Variants in STPG2 observed in about 807,000 individuals in gnomAD.
STPG2 encodes the protein sperm-tail PG-rich repeat-containing protein 2.
In STPG2, 56 loss-of-function variants were observed where a neutral mutation model predicts 54.2. The observed-to-expected ratio is 1.03, with a 90% CI of 0.83 to 1.29. The LOEUF (loss-of-function observed/expected upper bound fraction) is 1.29. Among genes scored for constraint, STPG2 ranks in the 50% most tolerant of loss-of-function variants. STPG2 has a pLI of 0.00. For missense variants in STPG2, 596 were observed against 544.9 expected (o/e 1.09, Z -0.93); for synonymous variants, 200 against 181.8 (o/e 1.10, Z -0.81).
chr4:97,617,589 A>T (rs1733908025), intron 10 of STPG2, among the ~76,000 whole-genome samples: 1 of 152,164 alleles, frequency 6.6e-6, no homozygotes, highest in African/African-American at 2.4e-5. Flanking sequence ...AACTCCCAGA[A>T]CCAAAATATT....
At chr4:97,682,858 T>C (rs1042697279) in intron 10 of STPG2, among the ~76,000 whole-genome samples, 3 of 151,728 alleles carry the variant, frequency 2.0e-5, no homozygotes, top group African/African-American at 7.2e-5. Context: ...AATTTTACAA[T>C]AAGAAAATAA....
chr4:98,129,143 C>A (rs1739914032), intron 2 of STPG2, among the ~76,000 whole-genome samples: 2 of 152,266 alleles, frequency 1.3e-5, no homozygotes, highest in South Asian at 4.1e-4. Context: ...GAATAGATAA[C>A]TATTAAAGTC....
At chr4:97,765,691 C>T (rs909646736) in intron 9 of STPG2, among the ~76,000 whole-genome samples, 2 of 152,080 alleles carry the variant, frequency 1.3e-5, no homozygotes, top group Admixed American at 1.3e-4. Flanking sequence ...GTTTTTACTA[C>T]TACAGCAATG....
At position 97,566,644 on chromosome 4, in the gene STPG2, A is replaced by G. The variant is rs868810971; in HGVS notation, c.1321-7527T>C. ...CTTGGAACCAACCCAAATGTCCAAC[A>G]ATGATAGACTGGATTAAGAAAATGT... On this transcript the variant is annotated intron_variant, in intron 10 of 10. Coordinates refer to ENST00000295268, the MANE Select transcript of STPG2 (RefSeq NM_174952.3). Among the ~76,000 whole-genome samples the G allele has an allele frequency of 1.6e-4, 24 of 152,266 alleles. No homozygotes were observed. In the Middle Eastern group the frequency reaches 0.01, roughly 65 times the overall value.
intron 8 of STPG2, among the ~76,000 whole-genome samples, chr4:97,932,509 C>T (rs997268568): frequency 1.3e-5 from 2 of 152,056 alleles, no homozygotes; most frequent in Non-Finnish European, 1.5e-5. Context: ...TTTCCTGATG[C>T]TCTCCTTCCC....
chr4:98,062,394 CCATGA>C (rs1242564479), intron 5 of STPG2, among the ~76,000 whole-genome samples: 3 of 152,016 alleles, frequency 2.0e-5, no homozygotes, highest in African/African-American at 7.2e-5. Context: ...CAACAAACCC[CCATGA>C]CATGTTTACC....
At chr4:97,561,396 C>T (rs964989926) in intron 10 of STPG2, among the ~76,000 whole-genome samples, 7 of 152,054 alleles carry the variant, frequency 4.6e-5, no homozygotes, top group African/African-American at 9.7e-5. Context: ...ATTTTGTAGG[C>T]TGCCTGTTCA....
intron 8 of STPG2, chr4:97,916,926 G>T (rs1281704715): frequency 1.3e-5 from 2 of 152,740 alleles, no homozygotes; most frequent in Non-Finnish European, 2.9e-5. Context: ...GTTGGGTATG[G>T]GCCGATGCTC....
intron 10 of STPG2, among the ~76,000 whole-genome samples, chr4:97,689,491 G>C (rs1352174719): frequency 6.6e-6 from 1 of 151,996 alleles, no homozygotes; most frequent in African/African-American, 2.4e-5. Context: ...TTGCGATTTT[G>C]TATACAAAAA....
intron 9 of STPG2, among the ~76,000 whole-genome samples, chr4:97,739,865 A>G (rs1725161627): frequency 6.6e-6 from 1 of 152,148 alleles, no homozygotes; most frequent in South Asian, 2.1e-4. Flanking sequence ...TCATTTTATG[A>G]TGCCAGCATC....
intron 4 of STPG2, among the ~76,000 whole-genome samples, chr4:97,510,392 T>G (rs1469776120): frequency 6.6e-6 from 1 of 152,092 alleles, no homozygotes; most frequent in Non-Finnish European, 1.5e-5. Context: ...GAAAAGGAAG[T>G]AAAAGTGTGG....
chr4:97,895,044 A>C (rs1730906642), intron 8 of STPG2, among the ~76,000 whole-genome samples: 1 of 151,916 alleles, frequency 6.6e-6, no homozygotes, highest in African/African-American at 2.4e-5. Flanking sequence ...GAACATAAGA[A>C]TACTGTGTTT....
intron 10 of STPG2, among the ~76,000 whole-genome samples, chr4:97,699,211 G>A (rs1029216515): frequency 6.6e-6 from 1 of 152,196 alleles, no homozygotes; most frequent in Non-Finnish European, 1.5e-5. Context: ...TTGGTGAGTG[G>A]AAATCCATGT....
intron 9 of STPG2, among the ~76,000 whole-genome samples, chr4:97,739,752 C>T (rs571254036): frequency 3.5e-4 from 53 of 152,196 alleles, no homozygotes; most frequent in Non-Finnish European, 6.6e-4. Context: ...AGTCCAGGAC[C>T]AGATGGATTC....
intron 4 of STPG2, among the ~76,000 whole-genome samples, chr4:97,526,648 T>C (rs1731286716): frequency 6.6e-6 from 1 of 152,154 alleles, no homozygotes; most frequent in Admixed American, 6.6e-5. Context: ...TGATACTAGT[T>C]TCTTTTGCTG....
intron 10 of STPG2, among the ~76,000 whole-genome samples, chr4:97,568,607 C>T (rs1732515674): frequency 6.6e-6 from 1 of 151,564 alleles, no homozygotes; most frequent in Admixed American, 6.6e-5. Flanking sequence ...ATACTATTAC[C>T]CACTAAAAAA....
At chr4:97,837,975 G>A (rs155019) in intron 9 of STPG2, among the ~76,000 whole-genome samples, 88,207 of 151,170 alleles carry the variant, frequency 0.58, 26,289 homozygotes, top group East Asian at 0.74. Context: ...GAAAGAAAAC[G>A]ATGTGCGTTT....
chr4:98,054,870 T>G (rs1272665520), intron 5 of STPG2, among the ~76,000 whole-genome samples: 1 of 152,164 alleles, frequency 6.6e-6, no homozygotes, highest in Non-Finnish European at 1.5e-5. Flanking sequence ...CAAAATGTCT[T>G]ATAGTCAAAA....
intron 5 of STPG2, among the ~76,000 whole-genome samples, chr4:98,034,389 A>G (rs1255413066): frequency 6.6e-6 from 1 of 152,168 alleles, no homozygotes; most frequent in Non-Finnish European, 1.5e-5. Context: ...TACAACTTAC[A>G]AGACATGTGA....
Sources: gnomAD v4.1 joint callset for allele counts (sites outside exome capture counted in the v4.1 genomes callset) on GRCh38, gnomAD v4.1.1 for gene constraint, MANE v1.5 for transcripts, NCBI Gene and HGNC (gene_info 2026-07-23, HGNC 2026-07-21) for gene names.